The following ABCA10 variants were observed in gnomAD, a reference collection of about 807,000 sequenced individuals.
The protein encoded by ABCA10 is ATP-binding cassette sub-family A member 10.
A neutral mutation model predicts 187.5 loss-of-function variants in ABCA10; 169 were observed. The observed-to-expected ratio is 0.90, with a 90% confidence interval of 0.80 to 1.02. The LOEUF (loss-of-function observed/expected upper bound fraction) is 1.02. Among genes scored for constraint, ABCA10 ranks in the 50% least tolerant of loss-of-function variants. The pLI, the probability that ABCA10 is intolerant of heterozygous loss-of-function variation, is 0.00. For missense variants in ABCA10, 1,727 were observed against 1,812.4 expected (o/e 0.95, Z 0.86); for synonymous variants, 574 against 601.8 (o/e 0.95, Z 0.68).
chr17:69,228,148 A>G (rs1054767277), intron 1 of ABCA10, among the ~76,000 whole-genome samples: 1 of 152,034 alleles, frequency 6.6e-6, no homozygotes, highest in African/African-American at 2.4e-5. Flanking sequence ...TAGAAACATT[A>G]AAACACCAAT....
At chr17:69,233,250 C>G (rs2074843331), upstream of ABCA10, 2 of 152,014 alleles carry the variant, frequency 1.3e-5, no homozygotes, top group African/African-American at 4.8e-5. Flanking sequence ...TCTTCACTGT[C>G]TTTTCATTCT....
rs2074546482 is a variant in ABCA10 at position 69,201,671 on chromosome 17, A to G, written c.1007-3T>C. On this transcript the variant is annotated splice_polypyrimidine_tract_variant and splice_region_variant and intron_variant, in intron 9 of 38. Coordinates refer to ENST00000690296, the MANE Select transcript of ABCA10 (RefSeq NM_001377321.1). ...AGAATCCCCATGGCCATCTTTATCT[A>G]ATTAATTAAGATACAATTACATATT... is the stretch of plus-strand genomic sequence containing the variant. The G allele has an allele frequency of 6.3e-7, 1 of 1,592,544 alleles. No individual in the cohort carries two copies. The highest frequency in any genetic ancestry group is 1.8e-5 in the Admixed American group (1 of 55,888).
intron 9 of ABCA10, 125 bp from the exon 10 acceptor site, chr17:69,201,793 A>AT (rs201122243): frequency 0.078 from 57,441 of 740,922 alleles, 477 homozygotes; most frequent in Middle Eastern, 0.11. Context: ...TATATTTATA[A>AT]TTTTTTTTTT....
At chr17:69,160,359 A>G (rs1301493100) in intron 27 of ABCA10, among the ~76,000 whole-genome samples, 5 of 152,354 alleles carry the variant, frequency 3.3e-5, no homozygotes, top group Admixed American at 1.3e-4. Context: ...CTGCAATCCC[A>G]GCACTTTGGG....
At position 69,221,651 on chromosome 17, in the gene ABCA10, G is replaced by T. The variant is rs1186520891; in HGVS notation, c.303+141C>A. 4.3e-6 allele frequency: 3 copies of T among 703,732 alleles called. No homozygotes were observed. In the African/African-American group the frequency reaches 5.5e-5, roughly 13 times the overall value. The allele number at this position is 703,732 out of a possible 1,614,324, so 43.6% of individuals were successfully genotyped here. On this transcript the variant is annotated intron_variant, in intron 5 of 38. Coordinates refer to ENST00000690296, the MANE Select transcript of ABCA10 (RefSeq NM_001377321.1). Reference sequence around the variant, plus strand: ...GTTAGAAGTTGGGAGATATTCCCATGTGACAGCTTTTGTTTTCTCTGAGGA... The same window carrying T: ...GTTAGAAGTTGGGAGATATTCCCATTTGACAGCTTTTGTTTTCTCTGAGGA...
At chr17:69,244,132 T>C (rs184439748) in intron 1 of ABCA10, among the ~76,000 whole-genome samples, 69 of 152,270 alleles carry the variant, frequency 4.5e-4, no homozygotes, top group Non-Finnish European at 8.5e-4. Flanking sequence ...TTATATGTGA[T>C]AATGTGTAAG....
intron 9 of ABCA10, among the ~76,000 whole-genome samples, chr17:69,206,738 G>A (rs1328046140): frequency 6.6e-5 from 10 of 152,168 alleles, no homozygotes; most frequent in Admixed American, 1.3e-4. Flanking sequence ...GCCATCATAA[G>A]TTGAGGAACA....
chr17:69,149,898 G>T, intron 37 of ABCA10, 86 bp downstream of exon 37: 1 of 1,030,412 alleles, frequency 9.7e-7, no homozygotes. Flanking sequence ...TTATTTCATT[G>T]TTCTACTTCA....
intron 9 of ABCA10, among the ~76,000 whole-genome samples, chr17:69,206,703 T>C (rs933739882): frequency 6.6e-6 from 1 of 152,338 alleles, no homozygotes; most frequent in East Asian, 1.9e-4. Context: ...TTTTCAACTT[T>C]TCAATAGATT....
rs1568062719 is a variant in ABCA10, at chr17:69,192,254, T to C, written c.1871+309A>G. On this transcript the variant is annotated intron_variant, in intron 16 of 38. Coordinates refer to ENST00000690296, the MANE Select transcript of ABCA10 (RefSeq NM_001377321.1). ...CAGGAGAATCGCTTTAACCAGGGAGTTGGAGGTTGCAGCCACTGCACTCCA... is the reference window on the plus strand; with the variant it reads ...CAGGAGAATCGCTTTAACCAGGGAGCTGGAGGTTGCAGCCACTGCACTCCA... Among the ~76,000 whole-genome samples, 3 of 151,998 alleles carry C rather than the reference T, an allele frequency of 2.0e-5. 1 individual carries two copies. The highest frequency in any genetic ancestry group is 4.4e-5 in the Non-Finnish European group (3 of 67,982).
chr17:69,232,572 T>G (rs77927910), upstream of ABCA10, among the ~76,000 whole-genome samples: 1,985 of 152,308 alleles, frequency 0.013, 34 homozygotes, highest in African/African-American at 0.045. Context: ...CATTTTATAT[T>G]GCCTATCTCT....
At chr17:69,207,687 A>G (rs1303900091) in intron 9 of ABCA10, among the ~76,000 whole-genome samples, 5 of 152,216 alleles carry the variant, frequency 3.3e-5, no homozygotes, top group Admixed American at 3.3e-4. Context: ...TCTCATTTAT[A>G]TGTAGAATCT....
At chr17:69,219,875 A>G in intron 5 of ABCA10, 104 bp from the exon 6 acceptor site, 1 of 785,808 alleles carries the variant, frequency 1.3e-6, no homozygotes, top group Non-Finnish European at 1.9e-6. Flanking sequence ...TATTCTCATC[A>G]TTTTAAAGTA....
At chr17:69,244,780 C>G (rs2074932706) in exon 1 of ABCA10, 1 of 151,110 alleles carries the variant, frequency 6.6e-6, no homozygotes, top group African/African-American at 2.4e-5. Flanking sequence ...ACAATAAAAA[C>G]AATAATAACA....
At chr17:69,203,804 G>T (rs1015838911) in intron 9 of ABCA10, among the ~76,000 whole-genome samples, 5 of 152,246 alleles carry the variant, frequency 3.3e-5, no homozygotes, top group Middle Eastern at 3.4e-3. Flanking sequence ...GTTAAGGATA[G>T]TTTAAAAGCC....
chr17:69,186,606 C>G (rs78870700), intron 19 of ABCA10, among the ~76,000 whole-genome samples: 2,691 of 152,248 alleles, frequency 0.018, 71 homozygotes, highest in African/African-American at 0.061. Flanking sequence ...CTTGCTAAAA[C>G]CTTTAATAAC....
Position 69,155,116 on chromosome 17 carries a change from G to T in ABCA10, c.3597C>A (p.Ser1199Arg), listed in dbSNP as rs561157424. Residue 1199 changes from serine (S) to arginine (R), a missense_variant, in exon 30 of 39, where the codon AGC becomes AGA. Ser to Arg is a moderately radical substitution (Grantham distance 110). Coordinates refer to ENST00000690296, the MANE Select transcript of ABCA10 (RefSeq NM_001377321.1). The stretch of plus-strand genomic sequence containing the variant: ...TCTCATAATATTCCTTGTGTAAACA[G>T]CTTGCAGTTATGACTGGTTCCTGGA... ...NLEEEPVITA[S>R]CLHKEYYETK... 1.2e-6 allele frequency: 2 copies of T among 1,611,046 alleles called. No homozygotes were observed. Among genetic ancestry groups the T allele is most frequent in the Admixed American group, 3.4e-5 (2 of 59,652 alleles).
At chr17:69,155,740 T>G (rs1304448914) in intron 29 of ABCA10, 65 bp downstream of exon 29, 1 of 1,529,604 alleles carries the variant, frequency 6.5e-7, no homozygotes, top group African/African-American at 1.4e-5. Flanking sequence ...AAAACCAACA[T>G]CTCATCAATT....
intron 25 of ABCA10, among the ~76,000 whole-genome samples, chr17:69,173,596 G>C (rs1310345732): frequency 6.6e-6 from 1 of 152,150 alleles, no homozygotes; most frequent in Non-Finnish European, 1.5e-5. Context: ...AGCCTGGGGA[G>C]AGAGTTTTAC....
Sources: gnomAD v4.1 joint callset for allele counts (sites outside exome capture counted in the v4.1 genomes callset) on GRCh38, gnomAD v4.1.1 for gene constraint, MANE v1.5 for transcripts, NCBI Gene and HGNC (gene_info 2026-07-23, HGNC 2026-07-21) for gene names.